The following MTFR1 variants were observed in gnomAD, a reference collection of about 807,000 sequenced individuals.
MTFR1 encodes mitochondrial fission regulator 1.
Under a neutral mutation model 38.8 loss-of-function variants are expected in MTFR1, and 28 were observed. The ratio of observed to expected loss-of-function variants is 0.72; its 90% CI spans 0.53 to 0.99. The LOEUF (loss-of-function observed/expected upper bound fraction) is 0.99, where lower values mean the gene tolerates loss of function less well. MTFR1 is among the 50% of genes least tolerant of loss of function. MTFR1 has a pLI of 0.00. For synonymous variants in MTFR1, 145 were observed against 137.0 expected, an observed-to-expected ratio of 1.06 and a Z score of -0.41; for missense variants, 358 against 395.5, an observed-to-expected ratio of 0.91 and a Z score of 0.81.
chr8:65,746,868 C>A (rs941544974), intron 3 of MTFR1, among the ~76,000 whole-genome samples: 2 of 152,110 alleles, frequency 1.3e-5, no homozygotes, highest in Non-Finnish European at 2.9e-5. Context: ...AAAGAAGACA[C>A]CCCAGCTTTA....
intron 2 of MTFR1, among the ~76,000 whole-genome samples, chr8:65,678,564 C>T (rs1804782221): frequency 6.6e-6 from 1 of 152,096 alleles, no homozygotes; most frequent in Non-Finnish European, 1.5e-5. Flanking sequence ...CTTCCTTTAA[C>T]TTTGTAGAAG....
intron 2 of MTFR1, chr8:65,719,185 C>A: frequency 1.4e-6 from 1 of 735,740 alleles, no homozygotes; most frequent in South Asian, 1.6e-5. Flanking sequence ...TGGCATCACT[C>A]ACTTGGAAAC....
At chr8:65,729,364 C>CTTTTTTTTTTTT (rs10540107) in intron 3 of MTFR1, among the ~76,000 whole-genome samples, 1 of 80,076 alleles carries the variant, frequency 1.2e-5, no homozygotes, top group Non-Finnish European at 2.3e-5. Flanking sequence ...TTGGTGGTAG[C>CTTTTTTTTTTTT]TTTTTTTTTT....
At chr8:65,701,575 G>A (rs970946972) in intron 4 of MTFR1, among the ~76,000 whole-genome samples, 2 of 152,212 alleles carry the variant, frequency 1.3e-5, no homozygotes, top group Non-Finnish European at 2.9e-5. Context: ...GCTTAAAAAT[G>A]TTTCGGATAG....
intron 3 of MTFR1, among the ~76,000 whole-genome samples, chr8:65,741,069 CG>C (rs996693980): frequency 6.6e-5 from 10 of 152,210 alleles, no homozygotes; most frequent in African/African-American, 2.4e-4. Context: ...TATGATGTTT[CG>C]TTTTCCCTTC....
At chr8:65,703,890 G>A (rs1221740531) in intron 4 of MTFR1, among the ~76,000 whole-genome samples, 1 of 152,134 alleles carries the variant, frequency 6.6e-6, no homozygotes, top group East Asian at 1.9e-4. Context: ...AAAACAGATT[G>A]GTTTTAAGAA....
rs139804129 is a variant in MTFR1 at position 65,683,534 on chromosome 8, T to C, written c.165+1083T>C. On this transcript the variant is annotated intron_variant, in intron 3 of 7. Coordinates refer to ENST00000262146, the MANE Select transcript of MTFR1 (RefSeq NM_014637.4). Reference sequence around the variant, plus strand: ...AATGTAAGAACATTTCAGTTCAACATTGAATAATATAAAATTCAACAGATA... The same window carrying C: ...AATGTAAGAACATTTCAGTTCAACACTGAATAATATAAAATTCAACAGATA... 1.8e-3 allele frequency among the ~76,000 whole-genome samples: 277 copies of C among 152,352 alleles called. 1 individual carries two copies. In the East Asian group the frequency reaches 0.032, roughly 17 times the overall value.
intron 3 of MTFR1, among the ~76,000 whole-genome samples, chr8:65,737,370 G>A (rs1253146806): frequency 6.6e-6 from 1 of 152,062 alleles, no homozygotes; most frequent in Admixed American, 6.5e-5. Flanking sequence ...ATAATTGCCA[G>A]TATAGCTACT....
downstream of MTFR1, among the ~76,000 whole-genome samples, chr8:65,775,152 T>G (rs555451989): frequency 3.3e-4 from 50 of 152,336 alleles, no homozygotes; most frequent in Admixed American, 1.2e-3. Flanking sequence ...CCCCTCTTAG[T>G]TTTTGAGTAT....
At chr8:65,675,412 G>A (rs1245178742) in intron 2 of MTFR1, among the ~76,000 whole-genome samples, 3 of 152,080 alleles carry the variant, frequency 2.0e-5, no homozygotes, top group Non-Finnish European at 4.4e-5. Context: ...TGGCTAACAC[G>A]GTGAAACCCC....
rs142891944 is a variant in MTFR1, at chr8:65,658,912, A to G, written c.-80-10961A>G. On this transcript the variant is annotated intron_variant, in intron 1 of 7. Transcript: ENST00000262146. ...GGAAACAGCACTGATGTAAAGTGTA[A>G]GAGAATAAGCAAGCAGAAACCCTTT... 5.9e-5 allele frequency among the ~76,000 whole-genome samples: 9 copies of G among 152,264 alleles called. No homozygotes were observed. The East Asian group carries it at 1.7e-3, about 29-fold the overall frequency.
At chr8:65,713,487 CAAA>C (rs1427410802), downstream of MTFR1, among the ~76,000 whole-genome samples, 1 of 146,792 alleles carries the variant, frequency 6.8e-6, no homozygotes, top group South Asian at 2.2e-4. Context: ...CACACACAAA[CAAA>C]ACAAAAACAA....
At chr8:65,696,452 A>G (rs779419386) in intron 4 of MTFR1, among the ~76,000 whole-genome samples, 23 of 152,208 alleles carry the variant, frequency 1.5e-4, no homozygotes, top group Non-Finnish European at 2.8e-4. Flanking sequence ...ATAGTACAAT[A>G]TCACAGCAGG....
chr8:65,711,556 C>T (rs887993239), downstream of MTFR1, among the ~76,000 whole-genome samples: 2 of 152,110 alleles, frequency 1.3e-5, no homozygotes, highest in Admixed American at 6.5e-5. Flanking sequence ...GTTTCTGTGT[C>T]CTCTTTCCCT....
chr8:65,711,282 C>T (rs1015182257), downstream of MTFR1, among the ~76,000 whole-genome samples: 27 of 152,134 alleles, frequency 1.8e-4, no homozygotes, highest in Admixed American at 1.7e-3. Flanking sequence ...CTACATAAGA[C>T]TTGTGTCTTC....
chr8:65,733,741 CATGAT>C (rs1381965258), intron 3 of MTFR1, among the ~76,000 whole-genome samples: 1 of 152,146 alleles, frequency 6.6e-6, no homozygotes, highest in Admixed American at 6.5e-5. Flanking sequence ...TTTTAAAAGT[CATGAT>C]ATATATACTA....
At chr8:65,700,331 A>G (rs1253230835) in intron 4 of MTFR1, among the ~76,000 whole-genome samples, 3 of 150,528 alleles carry the variant, frequency 2.0e-5, no homozygotes, top group African/African-American at 7.4e-5. Context: ...AACCTCAGCA[A>G]TGGATCGAGA....
chr8:65,735,608 A>G (rs1807097199), intron 3 of MTFR1, among the ~76,000 whole-genome samples: 1 of 151,176 alleles, frequency 6.6e-6, no homozygotes, highest in African/African-American at 2.4e-5. Context: ...ACTATGCCCC[A>G]CCTAATAAGC....
At chr8:65,657,448 A>G (rs2129048390) in intron 1 of MTFR1, among the ~76,000 whole-genome samples, 1 of 152,314 alleles carries the variant, frequency 6.6e-6, no homozygotes, top group Middle Eastern at 3.4e-3. Context: ...ACAGTGGCTC[A>G]TGCCAATGTT....
Sources: allele counts gnomAD v4.1 joint callset (sites outside exome capture counted in the v4.1 genomes callset), GRCh38; gene constraint gnomAD v4.1.1; transcripts MANE v1.5; gene names NCBI Gene and HGNC (gene_info 2026-07-23, HGNC 2026-07-21).